Variants in EFCAB8 observed in about 807,000 individuals in gnomAD.
EFCAB8 encodes EF-hand calcium binding domain 8.
In EFCAB8, 100 loss-of-function variants were observed where a neutral mutation model predicts 116.3. The observed-to-expected ratio is 0.86, with a 90% CI of 0.73 to 1.02. EFCAB8 has a LOEUF of 1.02. Among genes scored for constraint, EFCAB8 ranks in the 50% least tolerant of loss-of-function variants. EFCAB8 has a pLI of 0.00. For synonymous variants in EFCAB8, 558 were observed against 567.9 expected (o/e 0.98, Z 0.25); for missense variants, 1,320 against 1,416.9 (o/e 0.93, Z 1.10).
intron 5 of EFCAB8, among the ~76,000 whole-genome samples, chr20:32,880,500 G>T (rs1485583698): frequency 1.3e-5 from 2 of 152,052 alleles, no homozygotes; most frequent in African/African-American, 2.4e-5. Flanking sequence ...TGAACTTGGG[G>T]CCTCAAGTAA....
chr20:32,900,858 A>G (rs1324556875), intron 11 of EFCAB8, among the ~76,000 whole-genome samples: 9 of 151,216 alleles, frequency 6.0e-5, no homozygotes. Flanking sequence ...GTGAGCCACC[A>G]TGCCCGGCTT....
chr20:32,927,735 C>G (rs1987730023), intron 20 of EFCAB8, among the ~76,000 whole-genome samples: 1 of 152,190 alleles, frequency 6.6e-6, no homozygotes, highest in Non-Finnish European at 1.5e-5. Context: ...ATGCTGCCCA[C>G]ATTTTGTACA....
chr20:32,869,506 G>A (rs1984586451), intron 3 of EFCAB8, among the ~76,000 whole-genome samples: 1 of 152,182 alleles, frequency 6.6e-6, no homozygotes, highest in African/African-American at 2.4e-5. Flanking sequence ...AAAGTGCTGG[G>A]ATTACAGGCG....
intron 23 of EFCAB8, among the ~76,000 whole-genome samples, chr20:32,957,337 A>G (rs1989002329): frequency 1.3e-5 from 2 of 151,700 alleles, no homozygotes; most frequent in Admixed American, 1.3e-4. Context: ...AAAACCCAAA[A>G]CTTTTCTGGG....
intron 23 of EFCAB8, among the ~76,000 whole-genome samples, chr20:32,946,033 T>A (rs1327958068): frequency 1.3e-5 from 2 of 152,322 alleles, no homozygotes; most frequent in African/African-American, 4.8e-5. Context: ...AAGGCTAACA[T>A]TGGATATGTA....
intron 5 of EFCAB8, among the ~76,000 whole-genome samples, chr20:32,880,506 A>G (rs964174367): frequency 6.6e-6 from 1 of 152,078 alleles, no homozygotes; most frequent in African/African-American, 2.4e-5. Context: ...TGGGGCCTCA[A>G]GTAATCCGCT....
At chr20:32,954,975 T>C (rs374503285) in intron 23 of EFCAB8, among the ~76,000 whole-genome samples, 7 of 150,102 alleles carry the variant, frequency 4.7e-5, no homozygotes, top group African/African-American at 1.2e-4. Context: ...CCAGGAACCA[T>C]TGAGTGCCCA....
chr20:32,871,628 G>A (rs919396215), intron 3 of EFCAB8, among the ~76,000 whole-genome samples: 3 of 152,076 alleles, frequency 2.0e-5, no homozygotes, highest in African/African-American at 7.3e-5. Context: ...TGGGAGAAAA[G>A]AAAATTCACC....
chr20:32,877,988 C>T (rs1381779398), intron 4 of EFCAB8, among the ~76,000 whole-genome samples: 1 of 152,138 alleles, frequency 6.6e-6, no homozygotes, highest in Non-Finnish European at 1.5e-5. Flanking sequence ...GATTCAAGAA[C>T]AGGTCTGCTG....
chr20:32,896,901 C>T (rs148723271), intron 10 of EFCAB8, among the ~76,000 whole-genome samples: 2 of 152,318 alleles, frequency 1.3e-5, no homozygotes, highest in Non-Finnish European at 2.9e-5. Context: ...CTTCTCATCA[C>T]ATTTGGAACA....
rs146516311 is a variant in EFCAB8 at position 32,925,572 on chromosome 20, C to T, written c.2413-4826C>T. On this transcript the variant is annotated intron_variant, in intron 20 of 26. Coordinates refer to ENST00000400522, the MANE Select transcript of EFCAB8 (RefSeq NM_001143967.2). ...TTTGCCATGTTGTCCAGGCTTGTCT[C>T]GAACTCCTGGCCTCAAGTGATCCTC... Among the ~76,000 whole-genome samples, 393 of 152,280 alleles carry T rather than the reference C, an allele frequency of 2.6e-3. 3 individuals carry two copies. The highest frequency in any genetic ancestry group is 4.9e-3 in the Non-Finnish European group (333 of 68,022).
At chr20:32,864,574 C>G (rs975288726) in intron 2 of EFCAB8, among the ~76,000 whole-genome samples, 5 of 152,078 alleles carry the variant, frequency 3.3e-5, no homozygotes, top group Admixed American at 6.6e-5. Context: ...GAGCGAGACC[C>G]TGTCTCTAAA....
intron 18 of EFCAB8, among the ~76,000 whole-genome samples, chr20:32,918,006 C>T (rs919412611): frequency 1.3e-5 from 2 of 152,202 alleles, no homozygotes; most frequent in African/African-American, 4.8e-5. Context: ...CAGGGGGGCT[C>T]TGGTAGGTGG....
chr20:32,878,978 T>A (rs1050653524), intron 5 of EFCAB8, among the ~76,000 whole-genome samples, 171 bp downstream of exon 5: 1 of 152,132 alleles, frequency 6.6e-6, no homozygotes, highest in African/African-American at 2.4e-5. Context: ...GCCCTGTAAG[T>A]GTTAGGACTA....
intron 2 of EFCAB8, among the ~76,000 whole-genome samples, chr20:32,864,074 T>C (rs1665867459): frequency 6.6e-6 from 1 of 151,972 alleles, no homozygotes; most frequent in Non-Finnish European, 1.5e-5. Context: ...CCTCCTGGGT[T>C]CAAGCAATTC....
intron 20 of EFCAB8, among the ~76,000 whole-genome samples, chr20:32,921,422 C>T (rs952885078): frequency 2.0e-5 from 3 of 151,224 alleles, no homozygotes; most frequent in Admixed American, 1.3e-4. Context: ...CACTATGCTG[C>T]CCATGCTGGT....
intron 17 of EFCAB8, among the ~76,000 whole-genome samples, chr20:32,914,679 G>T (rs1987100874): frequency 6.6e-6 from 1 of 152,066 alleles, no homozygotes; most frequent in South Asian, 2.1e-4. Context: ...AAATCATCAG[G>T]TCTTGTGAGA....
At chr20:32,901,688 T>C (rs368469619) in intron 11 of EFCAB8, among the ~76,000 whole-genome samples, 3 of 152,174 alleles carry the variant, frequency 2.0e-5, no homozygotes, top group African/African-American at 4.8e-5. Context: ...GATTGACTGA[T>C]TGATTGATTG....
At chr20:32,902,032 A>G (rs1164359936) in intron 11 of EFCAB8, among the ~76,000 whole-genome samples, 2 of 152,208 alleles carry the variant, frequency 1.3e-5, no homozygotes, top group African/African-American at 2.4e-5. Flanking sequence ...TCATTATAAA[A>G]TGTTTCAAAC....
Sources: gnomAD v4.1 joint callset for allele counts (sites outside exome capture counted in the v4.1 genomes callset) on GRCh38, gnomAD v4.1.1 for gene constraint, MANE v1.5 for transcripts, NCBI Gene and HGNC (gene_info 2026-07-23, HGNC 2026-07-21) for gene names.